Variants in SGCD observed in about 807,000 individuals in gnomAD.
The protein encoded by SGCD is delta-sarcoglycan.
A neutral mutation model predicts 36.6 loss-of-function variants in SGCD; 18 were observed. That is an observed-to-expected ratio of 0.49 (90% CI 0.34 to 0.73). The LOEUF (loss-of-function observed/expected upper bound fraction) is 0.73. Among genes scored for constraint, SGCD ranks in the 30% least tolerant of loss-of-function variants. SGCD has a pLI of 0.01. For synonymous variants in SGCD, 133 were observed against 130.6 expected, an observed-to-expected ratio of 1.02 and a Z score of -0.12; for missense variants, 387 against 346.7, an observed-to-expected ratio of 1.12 and a Z score of -0.92.
the SGCD span, among the ~76,000 whole-genome samples, chr5:155,842,548 C>T: frequency 6.6e-6 from 1 of 151,334 alleles, no homozygotes; most frequent in African/African-American, 2.4e-5. Flanking sequence ...ACTCCAGCCT[C>T]ACGACAGAGT....
At chr5:156,021,058 A>T (rs1372760060) in intron 1 of SGCD, among the ~76,000 whole-genome samples, 1 of 152,164 alleles carries the variant, frequency 6.6e-6, no homozygotes, top group East Asian at 1.9e-4. Context: ...GCTTGAGGAC[A>T]TTTATCTTCT....
In SGCD at chr5:156,344,408, T is replaced by C. The variant is rs1768831385; in HGVS notation, c.4-81T>C. On this transcript the variant is annotated intron_variant, in intron 2 of 8. Transcript: ENST00000337851. ...GCAGCCAGCCATATCTCTTCATCAG[T>C]TGATTTTTTTTTCCTTTATTTTTTT... 3.2e-6 allele frequency: 3 copies of C among 950,400 alleles called. No homozygotes were observed. In the East Asian group the frequency reaches 9.1e-5, roughly 29 times the overall value. 58.9% of individuals were successfully genotyped at this position (950,400 alleles called of 1,614,324 possible).
chr5:156,022,589 C>T (rs564371365), intron 1 of SGCD, among the ~76,000 whole-genome samples: 13 of 152,232 alleles, frequency 8.5e-5, no homozygotes, highest in African/African-American at 2.9e-4. Flanking sequence ...TAGATTTGTT[C>T]TACTTTCCCA....
intron 3 of SGCD, among the ~76,000 whole-genome samples, chr5:156,505,222 G>A (rs1391076571): frequency 6.6e-6 from 1 of 152,186 alleles, no homozygotes; most frequent in Non-Finnish European, 1.5e-5. Context: ...CACGTGCCAT[G>A]TCCCCCAGCC....
the SGCD span, among the ~76,000 whole-genome samples, chr5:155,740,421 A>T: frequency 6.6e-6 from 1 of 152,216 alleles, no homozygotes; most frequent in African/African-American, 2.4e-5. Context: ...TAGGAAAAAA[A>T]TAGCAATGAA....
intron 4 of SGCD, among the ~76,000 whole-genome samples, chr5:156,523,748 A>G (rs1220595450): frequency 6.6e-6 from 1 of 151,892 alleles, no homozygotes; most frequent in Non-Finnish European, 1.5e-5. Flanking sequence ...TTCATACTTT[A>G]TATGAGACAT....
intron 3 of SGCD, among the ~76,000 whole-genome samples, chr5:156,393,144 C>T (rs1047565241): frequency 6.6e-6 from 1 of 152,166 alleles, no homozygotes; most frequent in Non-Finnish European, 1.5e-5. Flanking sequence ...CTCAGCATTT[C>T]GCTTCTCTAT....
chr5:155,753,165 GTC>G, the SGCD span, among the ~76,000 whole-genome samples: 6,660 of 151,996 alleles, frequency 0.044, 191 homozygotes, highest in Middle Eastern at 0.13. Flanking sequence ...ATGAAACCCT[GTC>G]TCTACTAAAA....
chr5:156,103,540 A>G (rs1761573428), intron 1 of SGCD, among the ~76,000 whole-genome samples: 1 of 152,078 alleles, frequency 6.6e-6, no homozygotes, highest in Non-Finnish European at 1.5e-5. Flanking sequence ...TTTCTTTTTG[A>G]AAATGGCCTG....
Position 156,218,499 on chromosome 5 carries a change from G to A in SGCD, c.-44+94480G>A, listed in dbSNP as rs182225538. ...TTTTGAGGCTGAAATTGAACCTTAT[G>A]GCCAGCAGTTTATATTTGAGAAAAC... On this transcript the variant is annotated intron_variant, in intron 3 of 9. Transcript: ENST00000517913. Among the ~76,000 whole-genome samples the A allele has an allele frequency of 4.6e-5, 7 of 152,164 alleles. No individual in the cohort carries two copies. In the East Asian group the frequency reaches 1.4e-3, roughly 29 times the overall value.
the SGCD span, among the ~76,000 whole-genome samples, chr5:155,753,201 G>C: frequency 6.6e-6 from 1 of 152,068 alleles, no homozygotes; most frequent in Admixed American, 6.5e-5. Flanking sequence ...GCTGGGCATG[G>C]TGGCACGCGC....
the SGCD span, among the ~76,000 whole-genome samples, chr5:155,823,062 ATATCTATC>A: frequency 0.15 from 22,092 of 145,140 alleles, 1,981 homozygotes; most frequent in Non-Finnish European, 0.21. Flanking sequence ...CTATATCTCT[ATATCTATC>A]TATCTATCTA....
chr5:156,468,434 T>A (rs1370123598), intron 3 of SGCD, among the ~76,000 whole-genome samples: 1 of 152,010 alleles, frequency 6.6e-6, no homozygotes, highest in Non-Finnish European at 1.5e-5. Context: ...TATCATTGAT[T>A]GACATAAAAG....
At chr5:156,350,652 T>C (rs1371554317) in intron 3 of SGCD, among the ~76,000 whole-genome samples, 5 of 152,236 alleles carry the variant, frequency 3.3e-5, no homozygotes, top group East Asian at 1.9e-4. Flanking sequence ...TGGCAGGAGA[T>C]TGAGACTACA....
Position 156,437,591 on chromosome 5 carries a change from T to A in SGCD, c.193-71010T>A, listed in dbSNP as rs546725846. 2.0e-5 allele frequency among the ~76,000 whole-genome samples: 3 copies of A among 152,304 alleles called. No individual in the cohort carries two copies. In the East Asian group the frequency reaches 5.8e-4, roughly 29 times the overall value. ...CTGTTTCAGTGCTGTGATTGAACAATGCAAACAGTATTGCATTAGCATCTA... is the reference window on the plus strand; with the variant it reads ...CTGTTTCAGTGCTGTGATTGAACAAAGCAAACAGTATTGCATTAGCATCTA... On this transcript the variant is annotated intron_variant, in intron 3 of 8. Coordinates refer to ENST00000337851, the MANE Select transcript of SGCD (RefSeq NM_000337.6).
intron 3 of SGCD, among the ~76,000 whole-genome samples, chr5:156,170,349 A>AT (rs1402470060): frequency 3.9e-5 from 6 of 152,200 alleles, no homozygotes; most frequent in Admixed American, 3.9e-4. Flanking sequence ...AAGGAGTAGA[A>AT]TTATTATTAG....
intron 2 of SGCD, among the ~76,000 whole-genome samples, chr5:156,332,988 A>T (rs528923711): frequency 4.1e-4 from 62 of 152,374 alleles, no homozygotes; most frequent in African/African-American, 1.3e-3. Flanking sequence ...ACATATCTAC[A>T]TGAAAGCATG....
At chr5:156,704,897 T>G (rs1342257402) in intron 7 of SGCD, among the ~76,000 whole-genome samples, 1 of 142,376 alleles carries the variant, frequency 7.0e-6, no homozygotes, top group Non-Finnish European at 1.5e-5. Context: ...TTGCCTAGAT[T>G]AAAAAAAAAA....
the SGCD span, among the ~76,000 whole-genome samples, chr5:155,851,193 A>G: frequency 6.6e-6 from 1 of 152,186 alleles, no homozygotes; most frequent in Non-Finnish European, 1.5e-5. Flanking sequence ...TGACATGAAT[A>G]TGGCGACATG....
Sources: allele counts gnomAD v4.1 joint callset (sites outside exome capture counted in the v4.1 genomes callset), GRCh38; gene constraint gnomAD v4.1.1; transcripts MANE v1.5; gene names NCBI Gene and HGNC (gene_info 2026-07-23, HGNC 2026-07-21).